Variants in TRPS1 observed in about 807,000 individuals in gnomAD.
TRPS1 encodes zinc finger transcription factor Trps1.
TRPS1 carries 6 observed loss-of-function variants against 101.2 expected under a neutral mutation model. The observed-to-expected ratio is 0.06, with a 90% CI of 0.03 to 0.12. The LOEUF is 0.12. Ranked by LOEUF, TRPS1 falls within the 10% of genes least tolerant of loss-of-function variation. The pLI, the probability that TRPS1 is intolerant of heterozygous loss-of-function variation, is 1.00. For synonymous variants in TRPS1, 578 were observed against 589.8 expected, an observed-to-expected ratio of 0.98 and a Z score of 0.29; for missense variants, 1,363 against 1,567.0, an observed-to-expected ratio of 0.87 and a Z score of 2.20.
chr8:115,419,075 C>T (rs1812990470), intron 5 of TRPS1, among the ~76,000 whole-genome samples: 1 of 152,052 alleles, frequency 6.6e-6, no homozygotes, highest in Non-Finnish European at 1.5e-5. Flanking sequence ...TAATGAGAAC[C>T]CTTATGAGGT....
At chr8:115,474,161 T>C (rs1327334837) in intron 5 of TRPS1, among the ~76,000 whole-genome samples, 2 of 152,146 alleles carry the variant, frequency 1.3e-5, no homozygotes, top group East Asian at 3.8e-4. Flanking sequence ...GAATTTAGAG[T>C]CATTTATTTC....
At chr8:115,478,040 G>A (rs988765953) in intron 5 of TRPS1, among the ~76,000 whole-genome samples, 1 of 152,062 alleles carries the variant, frequency 6.6e-6, no homozygotes, top group East Asian at 1.9e-4. Flanking sequence ...ACATCCAAGT[G>A]TTTGATATTC....
intron 5 of TRPS1, among the ~76,000 whole-genome samples, chr8:115,525,979 A>G (rs924000757): frequency 6.6e-6 from 1 of 152,212 alleles, no homozygotes; most frequent in Non-Finnish European, 1.5e-5. Flanking sequence ...GTACATGCTG[A>G]AAAATACTGT....
chr8:115,492,498 C>CGT (rs1230604765), intron 5 of TRPS1, among the ~76,000 whole-genome samples: 3 of 141,580 alleles, frequency 2.1e-5, no homozygotes, highest in South Asian at 2.3e-4. Context: ...TGTGCGTGTT[C>CGT]GTGTGTGTGT....
At chr8:115,483,880 C>T (rs950645739) in intron 5 of TRPS1, among the ~76,000 whole-genome samples, 3 of 152,048 alleles carry the variant, frequency 2.0e-5, no homozygotes, top group African/African-American at 7.3e-5. Flanking sequence ...TTTTGAAAAG[C>T]ATATAAAAGA....
intron 5 of TRPS1, among the ~76,000 whole-genome samples, chr8:115,444,620 G>A (rs1813686944): frequency 6.6e-6 from 1 of 152,176 alleles, no homozygotes; most frequent in Non-Finnish European, 1.5e-5. Context: ...AGAGGGCAAA[G>A]AGCACCCTTT....
intron 1 of TRPS1, among the ~76,000 whole-genome samples, chr8:115,638,669 G>A (rs1818824991): frequency 6.6e-6 from 1 of 152,098 alleles, no homozygotes; most frequent in African/African-American, 2.4e-5. Flanking sequence ...ACTCAGGAAA[G>A]ACACAGATTC....
At chr8:115,463,638 T>G (rs988465491) in intron 5 of TRPS1, among the ~76,000 whole-genome samples, 1 of 152,156 alleles carries the variant, frequency 6.6e-6, no homozygotes, top group African/African-American at 2.4e-5. Flanking sequence ...ACTACTTTGC[T>G]AAAGGAGCAG....
chr8:115,418,551 T>C lies in TRPS1; in HGVS notation c.2701-99A>G. 1.3e-6 allele frequency: 2 copies of C among 1,546,696 alleles called. No individual in the cohort carries two copies. Among genetic ancestry groups the C allele is most frequent in the Non-Finnish European group, 1.8e-6 (2 of 1,121,862 alleles). On this transcript the variant is annotated intron_variant, in intron 5 of 6. Coordinates refer to ENST00000395715, the MANE Select transcript of TRPS1 (RefSeq NM_014112.5). This position sits in a 1 kb window ranked among gnomAD's most constrained non-coding sequence, Gnocchi z 4.3. Reference sequence around the variant, plus strand: ...AGTTTTGTCTTTAAACTAGCAACAATGACAGTATAAAACCACACTGCCCAT... The same window carrying C: ...AGTTTTGTCTTTAAACTAGCAACAACGACAGTATAAAACCACACTGCCCAT...
At chr8:115,643,280 G>A (rs1160099366) in intron 1 of TRPS1, among the ~76,000 whole-genome samples, 3 of 152,140 alleles carry the variant, frequency 2.0e-5, no homozygotes, top group Non-Finnish European at 4.4e-5. Flanking sequence ...TTTCATGAAT[G>A]ATTTGTTTGT....
At chr8:115,640,907 C>A (rs1319269822) in intron 1 of TRPS1, among the ~76,000 whole-genome samples, 2 of 152,166 alleles carry the variant, frequency 1.3e-5, no homozygotes, top group Admixed American at 1.3e-4. Flanking sequence ...GACAATGGAA[C>A]TTCTACATTT....
At chr8:115,423,968 TTTGA>T (rs1190914274) in intron 5 of TRPS1, among the ~76,000 whole-genome samples, 4 of 152,230 alleles carry the variant, frequency 2.6e-5, no homozygotes, top group African/African-American at 9.6e-5. Context: ...ATGAAGTAAA[TTTGA>T]TTGAATGATT....
intron 5 of TRPS1, among the ~76,000 whole-genome samples, chr8:115,559,568 A>G (rs1816900550): frequency 6.6e-6 from 1 of 152,138 alleles, no homozygotes; most frequent in African/African-American, 2.4e-5. Flanking sequence ...CTGAATACCC[A>G]GTACCCAGCA....
chr8:115,617,870 AT>A (rs373743051), intron 3 of TRPS1, among the ~76,000 whole-genome samples: 3 of 152,256 alleles, frequency 2.0e-5, no homozygotes, highest in African/African-American at 7.2e-5. Context: ...CTAAGATGGA[AT>A]TTTTAGAGAA....
rs113450602 is a variant in TRPS1, at chr8:115,590,010, G to A, written c.2097-2406C>T. 6.7e-3 allele frequency among the ~76,000 whole-genome samples: 1,021 copies of A among 152,108 alleles called. 6 individuals carry two copies. The highest frequency in any genetic ancestry group is 0.02 in the Middle Eastern group (6 of 294). The stretch of plus-strand genomic sequence containing the variant: ...CGGGAGCCTGTAATCCCAGTTACTC[G>A]GGAGGCTGAGGCAGGAGAATTACTT... On this transcript the variant is annotated intron_variant, in intron 4 of 6. Coordinates refer to ENST00000395715, the MANE Select transcript of TRPS1 (RefSeq NM_014112.5).
chr8:115,618,867 T>A (rs1818324551), intron 3 of TRPS1, among the ~76,000 whole-genome samples: 1 of 152,282 alleles, frequency 6.6e-6, no homozygotes, highest in Middle Eastern at 3.4e-3. Flanking sequence ...TGCCCAGAAT[T>A]GTGAAGCTTA....
chr8:115,480,786 C>A (rs1482993015), intron 5 of TRPS1, among the ~76,000 whole-genome samples: 1 of 152,012 alleles, frequency 6.6e-6, no homozygotes, highest in Non-Finnish European at 1.5e-5. Flanking sequence ...AATTGATGAA[C>A]CTCTTCTGAA....
At chr8:115,536,311 G>A (rs1057196801) in intron 5 of TRPS1, among the ~76,000 whole-genome samples, 2 of 151,984 alleles carry the variant, frequency 1.3e-5, no homozygotes, top group African/African-American at 4.8e-5. Flanking sequence ...AGGAGGTCAG[G>A]AGATTGAGAT....
intron 5 of TRPS1, among the ~76,000 whole-genome samples, chr8:115,583,071 T>C (rs1817487189): frequency 6.6e-6 from 1 of 152,190 alleles, no homozygotes; most frequent in Admixed American, 6.5e-5. Flanking sequence ...TTTTGTGAAA[T>C]TTAATGATCG....
Sources: gnomAD v4.1 joint callset for allele counts (sites outside exome capture counted in the v4.1 genomes callset) on GRCh38, gnomAD v4.1.1 for gene constraint, Gnocchi (gnomAD v3.1) non-coding constraint, MANE v1.5 for transcripts, NCBI Gene and HGNC (gene_info 2026-07-23, HGNC 2026-07-21) for gene names.